The following ACSS1 variants were observed in gnomAD, a reference collection of about 807,000 sequenced individuals.
ACSS1 encodes the protein acetyl-coenzyme A synthetase 2-like, mitochondrial.
Under a neutral mutation model 75.3 loss-of-function variants are expected in ACSS1, and 42 were observed. The observed-to-expected ratio is 0.56, with a 90% CI of 0.44 to 0.72. ACSS1 has a LOEUF of 0.72. Ranked by LOEUF, ACSS1 falls within the 30% of genes least tolerant of loss-of-function variation. The pLI, the probability that ACSS1 is intolerant of heterozygous loss-of-function variation, is 0.00. For missense variants in ACSS1, 782 were observed against 935.7 expected (o/e 0.84, Z 2.14); for synonymous variants, 380 against 376.8 (o/e 1.01, Z -0.10).
At chr20:25,008,088 A>G in intron 13 of ACSS1, 147 bp from the exon 14 acceptor site, 1 of 1,073,462 alleles carries the variant, frequency 9.3e-7, no homozygotes, top group East Asian at 2.6e-5. Context: ...ACCCCAGAGA[A>G]CGGTGAGGCC....
In ACSS1 at chr20:25,012,630, A is replaced by G. The variant is rs2088430035; in HGVS notation, c.1742T>C (p.Ile581Thr). ...DHPAVPESAVIGYPHDIKGEA... is the reference protein window; with the variant it reads ...DHPAVPESAVTGYPHDIKGEA... Reference sequence around the variant, plus strand: ...TCCTTTGATGTCGTGGGGGTAGCCAATGACAGCACTTTCTGGTACTGCAGG... The same window carrying G: ...TCCTTTGATGTCGTGGGGGTAGCCAGTGACAGCACTTTCTGGTACTGCAGG... The change falls in exon 12 of 14, where the codon ATT becomes ACT. Residue 581 changes from isoleucine to threonine, a missense_variant. By Grantham distance (89) the Ile-to-Thr change is moderately conservative. Coordinates refer to ENST00000323482, the MANE Select transcript of ACSS1 (RefSeq NM_032501.4). 2 of 1,614,172 alleles carry G rather than the reference A, an allele frequency of 1.2e-6. No homozygotes were observed. The highest frequency in any genetic ancestry group is 1.7e-6 in the Non-Finnish European group (2 of 1,180,026).
rs1396953423 is a variant in ACSS1 at position 25,006,849 on chromosome 20, C to T, written c.*913G>A. 2 of 1,535,502 alleles carry T rather than the reference C, an allele frequency of 1.3e-6. No individual in the cohort carries two copies. Among genetic ancestry groups the T allele is most frequent in the East Asian group, 4.9e-5 (2 of 40,920 alleles). ...TCAGGCAGCGTTTGCCAGGATTTGG[C>T]TCTGACCAAGTTAGTGCTCTAACAA... On this transcript the variant is annotated 3_prime_UTR_variant, in exon 14 of 14. Coordinates refer to ENST00000323482, the MANE Select transcript of ACSS1 (RefSeq NM_032501.4).
intron 2 of ACSS1, among the ~76,000 whole-genome samples, chr20:25,047,549 G>A (rs2089115237): frequency 6.6e-6 from 1 of 152,214 alleles, no homozygotes; most frequent in South Asian, 2.1e-4. Flanking sequence ...GCTGCCCCCA[G>A]GAGAGTAATC....
At position 25,030,737 on chromosome 20, in the gene ACSS1, C is replaced by T. The variant is rs751513948; in HGVS notation, c.631+22G>A. On this transcript the variant is annotated intron_variant, in intron 3 of 13. Coordinates refer to ENST00000323482, the MANE Select transcript of ACSS1 (RefSeq NM_032501.4). ...GATCAGGGAACTCCAGGGTTCCTCC[C>T]TCCCCATGCCCACCTCCTCACCATC... 6 of 1,613,072 alleles carry T rather than the reference C, an allele frequency of 3.7e-6. No homozygotes were observed. The East Asian group carries it at 1.3e-4, about 36-fold the overall frequency.
intron 1 of ACSS1, among the ~76,000 whole-genome samples, chr20:25,049,725 A>T (rs1052879098): frequency 6.6e-6 from 1 of 152,086 alleles, no homozygotes; most frequent in African/African-American, 2.4e-5. Flanking sequence ...AGCATCTCCC[A>T]TTATGGATGG....
chr20:25,022,887 G>A, intron 5 of ACSS1, 53 bp downstream of exon 5: 2 of 1,538,036 alleles, frequency 1.3e-6, no homozygotes, highest in Non-Finnish European at 1.7e-6. Context: ...TTCCAGCCCT[G>A]CCCCTGCCTG....
In ACSS1 at chr20:25,048,188, A is replaced by G. The variant is rs1247969716; in HGVS notation, c.335-7T>C. 1 of 1,611,866 alleles carries G rather than the reference A, an allele frequency of 6.2e-7. No individual in the cohort carries two copies. Among genetic ancestry groups the G allele is most frequent in the Non-Finnish European group, 8.5e-7 (1 of 1,179,720 alleles). On this transcript the variant is annotated splice_polypyrimidine_tract_variant and splice_region_variant and intron_variant, in intron 1 of 13. Transcript: ENST00000323482. ...TGCTGGTCCAAGCAGTTGACTGTAC[A>G]AAAAGAGGGTTTGCGGATGTTACAC...
Position 25,013,632 on chromosome 20 carries a change from C to T in ACSS1, c.1483G>A (p.Gly495Arg), listed in dbSNP as rs2088459746. 6.2e-6 allele frequency: 10 copies of T among 1,607,420 alleles called. No individual in the cohort carries two copies. The highest frequency in any genetic ancestry group is 2.2e-5 in the East Asian group (1 of 44,578). ...GSVVEGSNVS[G>R]ALCISQAWPG... ...CAGGCCTGGGAGATGCACAGGGCCC[C>T]GGAGACGTTGCTGCCCTCCACGACG... The change falls in exon 10 of 14, where the codon GGG (glycine) becomes AGG (arginine). Residue 495 changes from glycine (G) to arginine (R), a missense_variant. Gly to Arg is a moderately radical substitution (Grantham distance 125). Coordinates refer to ENST00000323482, the MANE Select transcript of ACSS1 (RefSeq NM_032501.4).
At chr20:25,025,932 T>C (rs2088707859) in intron 3 of ACSS1, among the ~76,000 whole-genome samples, 1 of 152,154 alleles carries the variant, frequency 6.6e-6, no homozygotes, top group South Asian at 2.1e-4. Flanking sequence ...GTGCAAAGTC[T>C]TTCACCATGC....
chr20:25,032,652 T>G (rs953651374), intron 2 of ACSS1: 41 of 1,221,324 alleles, frequency 3.4e-5, no homozygotes, highest in Non-Finnish European at 3.9e-5. Context: ...TCAAGGCCGC[T>G]CGCAGCGTGT....
chr20:25,042,262 C>T (rs2089016829), intron 2 of ACSS1, among the ~76,000 whole-genome samples: 1 of 152,174 alleles, frequency 6.6e-6, no homozygotes. Context: ...GTGGCAGCAG[C>T]CGCAGCCTGG....
Position 25,007,128 on chromosome 20 carries a change from G to A in ACSS1, c.*634C>T. The A allele has an allele frequency of 7.2e-7, 1 of 1,394,582 alleles. No homozygotes were observed. The highest frequency in any genetic ancestry group is 9.3e-7 in the Non-Finnish European group (1 of 1,075,860). 86.4% of individuals were successfully genotyped at this position (1,394,582 alleles called of 1,614,324 possible). On this transcript the variant is annotated 3_prime_UTR_variant, in exon 14 of 14. Coordinates refer to ENST00000323482, the MANE Select transcript of ACSS1 (RefSeq NM_032501.4). The stretch of plus-strand genomic sequence containing the variant: ...ATGCCGGAGGCTTGGAAGTTCTCAA[G>A]GGAACTGTTTAGACAGAGGTACAAA...
chr20:25,027,954 T>C (rs1418599772), intron 3 of ACSS1, among the ~76,000 whole-genome samples: 1 of 152,098 alleles, frequency 6.6e-6, no homozygotes, highest in Non-Finnish European at 1.5e-5. Flanking sequence ...TATGCAAAAA[T>C]TGCTGTATCT....
At chr20:25,042,462 G>A (rs980903303) in intron 2 of ACSS1, among the ~76,000 whole-genome samples, 1 of 152,178 alleles carries the variant, frequency 6.6e-6, no homozygotes, top group African/African-American at 2.4e-5. Flanking sequence ...CACCATGGGA[G>A]CCCCACAGAC....
chr20:25,007,979 T>C, intron 13 of ACSS1, 38 bp from the exon 14 acceptor site: 3 of 1,606,302 alleles, frequency 1.9e-6, no homozygotes, highest in Non-Finnish European at 2.6e-6. Context: ...GCGTGGATGG[T>C]GCCCAGCCTC....
chr20:25,023,403 A>C, intron 4 of ACSS1, 63 bp downstream of exon 4: 1 of 1,595,400 alleles, frequency 6.3e-7, no homozygotes, highest in Non-Finnish European at 8.6e-7. Flanking sequence ...CAACCCGAGA[A>C]GCCTCAGAGC....
At chr20:25,050,767 C>T (rs7265897) in intron 1 of ACSS1, among the ~76,000 whole-genome samples, 4,963 of 152,046 alleles carry the variant, frequency 0.033, 261 homozygotes, top group African/African-American at 0.11. Context: ...TCAAACAGGC[C>T]CTCACAGCCT....
intron 2 of ACSS1, among the ~76,000 whole-genome samples, chr20:25,040,922 ATTGAATAATTAT>A: frequency 6.6e-6 from 1 of 152,228 alleles, no homozygotes. Context: ...CATTCCTTTT[ATTGAATAATTAT>A]TCATTTAAGG....
intron 1 of ACSS1, among the ~76,000 whole-genome samples, chr20:25,056,594 A>G (rs1338255739): frequency 6.6e-6 from 1 of 152,138 alleles, no homozygotes; most frequent in Admixed American, 6.5e-5. Flanking sequence ...TCTGCTGCAC[A>G]CCTTGCAGCA....
Sources: gnomAD v4.1 joint callset for allele counts (sites outside exome capture counted in the v4.1 genomes callset) on GRCh38, gnomAD v4.1.1 for gene constraint, MANE v1.5 for transcripts, NCBI Gene and HGNC (gene_info 2026-07-23, HGNC 2026-07-21) for gene names.